Variants in STMND1 observed in about 807,000 individuals in gnomAD.
STMND1 encodes the protein stathmin domain-containing protein 1.
A neutral mutation model predicts 23.0 loss-of-function variants in STMND1; 17 were observed. The observed-to-expected ratio is 0.74, with a 90% CI of 0.51 to 1.11. The LOEUF is 1.11. Among genes scored for constraint, STMND1 ranks in the 50% least tolerant of loss-of-function variants. The pLI is 0.00. For missense variants in STMND1, 305 were observed against 329.1 expected, an observed-to-expected ratio of 0.93 and a Z score of 0.57; for synonymous variants, 114 against 119.9, an observed-to-expected ratio of 0.95 and a Z score of 0.32.
At chr6:17,111,175 T>C (rs551126139) in intron 1 of STMND1, among the ~76,000 whole-genome samples, 22 of 152,330 alleles carry the variant, frequency 1.4e-4, no homozygotes, top group African/African-American at 5.3e-4. Context: ...AGTGGTTTAC[T>C]AAATCACCTA....
chr6:17,112,641 G>A (rs1461172996), intron 1 of STMND1, among the ~76,000 whole-genome samples: 2 of 152,128 alleles, frequency 1.3e-5, no homozygotes. Context: ...GCCAGACGTG[G>A]TGGCAGGTGC....
At chr6:17,129,358 T>C in intron 4 of STMND1, 115 bp downstream of exon 4, 1 of 991,720 alleles carries the variant, frequency 1.0e-6, no homozygotes, top group Non-Finnish European at 1.4e-6. Flanking sequence ...CTATAATCAG[T>C]ATTTTTTTTA....
rs997296502 is a variant in STMND1 at position 17,131,192 on chromosome 6, C to T, written c.*311C>T. 19 of 251,502 alleles carry T rather than the reference C, an allele frequency of 7.6e-5. 1 individual carries two copies. Among genetic ancestry groups the T allele is most frequent in the African/African-American group, 1.1e-4 (5 of 45,066 alleles). The allele number at this position is 251,502 out of a possible 1,614,324, so 15.6% of individuals were successfully genotyped here. On this transcript the variant is annotated 3_prime_UTR_variant, in exon 5 of 5. Transcript: ENST00000536551. ...TGCCTTCAGTTTACATTAATAAGTT[C>T]GTGCCAAATGAAATCCTTCCTGTTT...
chr6:17,120,899 T>A, intron 3 of STMND1, 141 bp downstream of exon 3: 1 of 727,610 alleles, frequency 1.4e-6, no homozygotes, highest in Non-Finnish European at 2.2e-6. Flanking sequence ...CTCCCTTAAA[T>A]TCCCCCCACA....
intron 1 of STMND1, among the ~76,000 whole-genome samples, chr6:17,114,623 T>C (rs1480711437): frequency 6.6e-6 from 1 of 152,194 alleles, no homozygotes; most frequent in Non-Finnish European, 1.5e-5. Context: ...CAGTGCACAA[T>C]AGGTTTTGTG....
At chr6:17,114,147 AT>A (rs1247251811) in intron 1 of STMND1, among the ~76,000 whole-genome samples, 1 of 152,194 alleles carries the variant, frequency 6.6e-6, no homozygotes, top group Non-Finnish European at 1.5e-5. Context: ...TAATGAAATA[AT>A]TATACAACTC....
At chr6:17,128,253 A>T (rs1422542346) in intron 3 of STMND1, 1 of 152,228 alleles carries the variant, frequency 6.6e-6, no homozygotes, top group Non-Finnish European at 1.5e-5. Flanking sequence ...AGGGTAGTTG[A>T]TCATATGAAG....
chr6:17,117,618 A>G (rs1321326714), intron 2 of STMND1, among the ~76,000 whole-genome samples: 2 of 146,642 alleles, frequency 1.4e-5, no homozygotes, highest in Non-Finnish European at 3.0e-5. Flanking sequence ...CAGAATGTTT[A>G]TCAATTTGGG....
At chr6:17,128,856 G>A (rs983485168) in intron 3 of STMND1, 25 of 305,632 alleles carry the variant, frequency 8.2e-5, no homozygotes, top group Non-Finnish European at 1.4e-4. Flanking sequence ...GGGACTACGG[G>A]CACACACCAC....
chr6:17,125,744 A>G (rs1209718749), intron 3 of STMND1, among the ~76,000 whole-genome samples: 1 of 152,104 alleles, frequency 6.6e-6, no homozygotes, highest in African/African-American at 2.4e-5. Context: ...GGCCTATTCT[A>G]TCCACAAGAC....
Position 17,102,193 on chromosome 6 carries a change from G to A in STMND1, c.-65G>A. ...CGCGGGACCACCGGCGCCGGAGCGCGGCAGGGAGCGCTCGCGGGGGCGCAC... is the reference window on the plus strand; with the variant it reads ...CGCGGGACCACCGGCGCCGGAGCGCAGCAGGGAGCGCTCGCGGGGGCGCAC... On this transcript the variant is annotated 5_prime_UTR_variant, in exon 1 of 5. Coordinates refer to ENST00000536551, the MANE Select transcript of STMND1 (RefSeq NM_001190766.2). The A allele has an allele frequency of 6.9e-7, 1 of 1,454,266 alleles. No homozygotes were observed. Among genetic ancestry groups the A allele is most frequent in the South Asian group, 1.4e-5 (1 of 72,990 alleles). The allele number at this position is 1,454,266 out of a possible 1,614,324, so 90.1% of individuals were successfully genotyped here. A position where few individuals can be genotyped will look rare whatever the true frequency, so the allele number is the denominator to read the frequency against.
intron 3 of STMND1, among the ~76,000 whole-genome samples, chr6:17,121,316 A>G (rs1448352741): frequency 6.6e-6 from 1 of 152,260 alleles, no homozygotes; most frequent in Admixed American, 6.5e-5. Flanking sequence ...TGCTCCAATT[A>G]TTAATGATTA....
At chr6:17,124,213 G>T (rs1761267146) in intron 3 of STMND1, among the ~76,000 whole-genome samples, 1 of 152,060 alleles carries the variant, frequency 6.6e-6, no homozygotes, top group East Asian at 1.9e-4. Context: ...CTGCTCTAGG[G>T]AATAACATTC....
At chr6:17,120,033 T>A (rs1040952285) in intron 2 of STMND1, among the ~76,000 whole-genome samples, 11 of 152,210 alleles carry the variant, frequency 7.2e-5, no homozygotes, top group African/African-American at 2.4e-4. Flanking sequence ...GAATCATGAA[T>A]AAAAATTTAG....
chr6:17,127,007 T>TC (rs1004228725), intron 3 of STMND1, among the ~76,000 whole-genome samples: 8 of 152,120 alleles, frequency 5.3e-5, no homozygotes, highest in African/African-American at 1.9e-4. Flanking sequence ...TGCCTGATGA[T>TC]CCCCCCGGCT....
chr6:17,129,416 G>A (rs906026912), intron 4 of STMND1, among the ~76,000 whole-genome samples, 173 bp downstream of exon 4: 1 of 151,912 alleles, frequency 6.6e-6, no homozygotes, highest in Admixed American at 6.6e-5. Flanking sequence ...ATGTTGCCCA[G>A]GCTGGAGTAC....
At chr6:17,111,216 T>C (rs1761093058) in intron 1 of STMND1, among the ~76,000 whole-genome samples, 1 of 152,184 alleles carries the variant, frequency 6.6e-6, no homozygotes, top group African/African-American at 2.4e-5. Flanking sequence ...TTTTGACCTA[T>C]TTACAAGCAA....
chr6:17,109,120 G>C (rs1761065748), intron 1 of STMND1, among the ~76,000 whole-genome samples: 1 of 152,166 alleles, frequency 6.6e-6, no homozygotes, highest in African/African-American at 2.4e-5. Context: ...CCATGAAGAA[G>C]GACAGATGGA....
chr6:17,130,684 G>A lies in STMND1; in HGVS notation c.634G>A (p.Glu212Lys), dbSNP rs1301299694. The change falls in exon 5 of 5, where the codon GAG becomes AAG. Residue 212 changes from glutamate to lysine, a missense_variant. Glu to Lys is a moderately conservative substitution (Grantham distance 56). Transcript: ENST00000536551. The stretch of plus-strand genomic sequence containing the variant: ...AGATTCAGCTGAATTAGATGGGGCC[G>A]AGGTTGCATTTGCCAAAGGACTTCA... ...HSDSAELDGA[E>K]VAFAKGLQRV... The A allele has an allele frequency of 5.2e-6, 8 of 1,536,090 alleles. No homozygotes were observed. Among genetic ancestry groups the A allele is most frequent in the East Asian group, 4.9e-5 (2 of 40,914 alleles).
Sources: gnomAD v4.1 joint callset for allele counts (sites outside exome capture counted in the v4.1 genomes callset) on GRCh38, gnomAD v4.1.1 for gene constraint, MANE v1.5 for transcripts, NCBI Gene and HGNC (gene_info 2026-07-23, HGNC 2026-07-21) for gene names.